GRIK2: variants seen among roughly 807,000 people sequenced by gnomAD.
GRIK2 encodes glutamate receptor ionotropic, kainate 2.
A neutral mutation model predicts 100.3 loss-of-function variants in GRIK2; 32 were observed. The ratio of observed to expected loss-of-function variants is 0.32; its 90% CI spans 0.24 to 0.43. GRIK2 has a LOEUF of 0.43. Ranked by LOEUF, GRIK2 falls within the 20% of genes least tolerant of loss-of-function variation. The pLI is 1.00. For synonymous variants in GRIK2, 417 were observed against 389.4 expected, an observed-to-expected ratio of 1.07 and a Z score of -0.83; for missense variants, 843 against 1,114.9, an observed-to-expected ratio of 0.76 and a Z score of 3.47.
intron 2 of GRIK2, among the ~76,000 whole-genome samples, chr6:101,599,197 T>C: frequency 6.6e-6 from 1 of 151,714 alleles, no homozygotes; most frequent in African/African-American, 2.4e-5. Flanking sequence ...TGCATTAATT[T>C]GCTCAAGATA....
chr6:101,485,241 A>G (rs1372045442), intron 2 of GRIK2, among the ~76,000 whole-genome samples: 1 of 152,180 alleles, frequency 6.6e-6, no homozygotes, highest in Non-Finnish European at 1.5e-5. Context: ...TATAGATGAG[A>G]ATATTTAAGT....
At chr6:101,696,365 T>G (rs573084981) in intron 7 of GRIK2, among the ~76,000 whole-genome samples, 13 of 152,014 alleles carry the variant, frequency 8.6e-5, no homozygotes, top group African/African-American at 3.1e-4. Context: ...CCTCAGTAGA[T>G]ATTTCCATTT....
intron 2 of GRIK2, among the ~76,000 whole-genome samples, chr6:101,548,679 G>A (rs537796811): frequency 2.0e-5 from 3 of 152,084 alleles, no homozygotes; most frequent in South Asian, 4.2e-4. Flanking sequence ...TATCATCATT[G>A]TCATCATCAT....
chr6:102,025,425 T>C (rs1769643505), intron 14 of GRIK2, among the ~76,000 whole-genome samples: 2 of 151,150 alleles, frequency 1.3e-5, no homozygotes, highest in African/African-American at 4.8e-5. Context: ...AGACGGAGGA[T>C]AAGGTATATA....
rs550521829 is a variant in GRIK2 at position 101,468,399 on chromosome 6, T to A, written c.115+69007T>A. ...TAGGGGACTAGAGCAGATAGAAATC[T>A]AAGTTTCAATTCCAGTTAGCTGGCA... On this transcript the variant is annotated intron_variant, in intron 2 of 16. Transcript: ENST00000369134. Among the ~76,000 whole-genome samples the A allele has an allele frequency of 6.6e-5, 10 of 152,328 alleles. No homozygotes were observed. In the South Asian group the frequency reaches 1.9e-3, roughly 28 times the overall value.
At chr6:101,764,239 C>T (rs1395696413) in intron 7 of GRIK2, among the ~76,000 whole-genome samples, 1 of 152,120 alleles carries the variant, frequency 6.6e-6, no homozygotes, top group Non-Finnish European at 1.5e-5. Context: ...AAATTTATAA[C>T]CCAGGTCCAT....
At chr6:101,872,467 A>T (rs1562454128) in intron 11 of GRIK2, among the ~76,000 whole-genome samples, 1 of 151,850 alleles carries the variant, frequency 6.6e-6, no homozygotes, top group Non-Finnish European at 1.5e-5. Context: ...CTCACTCACT[A>T]TCATGAGAAT....
At chr6:101,981,513 A>G (rs1194793387) in intron 14 of GRIK2, among the ~76,000 whole-genome samples, 1 of 151,946 alleles carries the variant, frequency 6.6e-6, no homozygotes, top group Non-Finnish European at 1.5e-5. Flanking sequence ...AAAGAGATAA[A>G]TTATCTTTTA....
In GRIK2 at chr6:101,806,929, G is replaced by A. The variant is rs1272214634; in HGVS notation, c.1203+4491G>A. 2.6e-5 allele frequency among the ~76,000 whole-genome samples: 4 copies of A among 151,520 alleles called. No homozygotes were observed. In the Admixed American group the frequency reaches 2.6e-4, roughly 10 times the overall value. On this transcript the variant is annotated intron_variant, in intron 9 of 16. Transcript: ENST00000369134. Reference sequence around the variant, plus strand: ...GGCTATCTCCCTAGCCAGAGTGCAAGACCTACTAGATGGAAAATATATGCT... The same window carrying A: ...GGCTATCTCCCTAGCCAGAGTGCAAAACCTACTAGATGGAAAATATATGCT...
chr6:101,890,614 T>C (rs2128457580), intron 12 of GRIK2, among the ~76,000 whole-genome samples: 1 of 152,016 alleles, frequency 6.6e-6, no homozygotes, highest in East Asian at 1.9e-4. Context: ...AATATATAAA[T>C]TTTATATTTT....
chr6:101,765,824 C>T (rs964893953), intron 7 of GRIK2, among the ~76,000 whole-genome samples: 1 of 152,116 alleles, frequency 6.6e-6, no homozygotes, highest in African/African-American at 2.4e-5. Flanking sequence ...TAAAACTACT[C>T]TTCATCTAGA....
chr6:101,690,224 T>A (rs930268956), intron 7 of GRIK2, among the ~76,000 whole-genome samples: 2 of 151,314 alleles, frequency 1.3e-5, no homozygotes, highest in African/African-American at 2.4e-5. Flanking sequence ...ATTATCAGTA[T>A]TTTTTTTCTT....
intron 14 of GRIK2, among the ~76,000 whole-genome samples, chr6:101,972,791 C>A (rs1299361122): frequency 6.6e-6 from 1 of 151,686 alleles, no homozygotes; most frequent in African/African-American, 2.4e-5. Flanking sequence ...TGCACCATTT[C>A]TTGAATAGAG....
chr6:101,413,243 C>G (rs1450691734), intron 2 of GRIK2, among the ~76,000 whole-genome samples: 1 of 152,002 alleles, frequency 6.6e-6, no homozygotes, highest in Admixed American at 6.6e-5. Context: ...TAATTTCTCT[C>G]TCTCTCACCC....
chr6:101,740,780 A>G (rs1775974617), intron 7 of GRIK2, among the ~76,000 whole-genome samples: 1 of 152,156 alleles, frequency 6.6e-6, no homozygotes, highest in Non-Finnish European at 1.5e-5. Flanking sequence ...AAAGGAAGCA[A>G]GAGGGGGTGG....
chr6:101,882,199 A>G (rs1786298644), intron 11 of GRIK2, among the ~76,000 whole-genome samples: 1 of 152,150 alleles, frequency 6.6e-6, no homozygotes, highest in Non-Finnish European at 1.5e-5. Flanking sequence ...GGGAGCTACA[A>G]TTAAAAAGAG....
At chr6:101,851,454 T>C (rs1784121621) in intron 10 of GRIK2, among the ~76,000 whole-genome samples, 1 of 152,024 alleles carries the variant, frequency 6.6e-6, no homozygotes, top group East Asian at 1.9e-4. Context: ...AAATAAAAAG[T>C]ACTTAGGAAT....
Position 101,818,353 on chromosome 6 carries a change from C to T in GRIK2, c.1204-17C>T. 7.2e-7 allele frequency: 1 copy of T among 1,385,922 alleles called. No individual in the cohort carries two copies. Among genetic ancestry groups the T allele is most frequent in the Non-Finnish European group, 1.0e-6 (1 of 973,110 alleles). 85.9% of individuals were successfully genotyped at this position (1,385,922 alleles called of 1,614,324 possible). A position where few individuals can be genotyped will look rare whatever the true frequency, so the allele number is the denominator to read the frequency against. ...TGCCTGATGGACAATTTACAAAGTA[C>T]ATATGCTATTTTATAGATTGGAACG... On this transcript the variant is annotated splice_polypyrimidine_tract_variant and intron_variant, in intron 9 of 16. Transcript: ENST00000369134.
At chr6:101,511,404 T>C (rs1582613619) in intron 2 of GRIK2, among the ~76,000 whole-genome samples, 1 of 152,148 alleles carries the variant, frequency 6.6e-6, no homozygotes, top group East Asian at 1.9e-4. Flanking sequence ...TAGATTGCTC[T>C]GAGTGGCACA....
Sources: allele counts gnomAD v4.1 joint callset (sites outside exome capture counted in the v4.1 genomes callset), GRCh38; gene constraint gnomAD v4.1.1; transcripts MANE v1.5; gene names NCBI Gene and HGNC (gene_info 2026-07-23, HGNC 2026-07-21).